The following GALNT1 variants were observed in gnomAD, a reference collection of about 807,000 sequenced individuals.
The protein encoded by GALNT1 is polypeptide N-acetylgalactosaminyltransferase 1, also known as GalNAc transferase 1.
Under a neutral mutation model 65.7 loss-of-function variants are expected in GALNT1, and 17 were observed. That is an observed-to-expected ratio of 0.26 (90% CI 0.18 to 0.39). The LOEUF (loss-of-function observed/expected upper bound fraction) is 0.39, where lower values mean the gene tolerates loss of function less well. Among genes scored for constraint, GALNT1 ranks in the 10% least tolerant of loss-of-function variants. The pLI, the probability that GALNT1 is intolerant of heterozygous loss-of-function variation, is 1.00. For missense variants in GALNT1, 460 were observed against 672.8 expected, an observed-to-expected ratio of 0.68 and a Z score of 3.50; for synonymous variants, 210 against 219.7, an observed-to-expected ratio of 0.96 and a Z score of 0.39.
chr18:35,704,013 C>T (rs1412228914), intron 11 of GALNT1, among the ~76,000 whole-genome samples: 1 of 152,186 alleles, frequency 6.6e-6, no homozygotes, highest in Non-Finnish European at 1.5e-5. Flanking sequence ...TAATAAAGTT[C>T]TCTGGCTTGT....
intron 1 of GALNT1, among the ~76,000 whole-genome samples, chr18:35,616,491 G>A (rs572756297): frequency 2.0e-4 from 31 of 152,238 alleles, no homozygotes; most frequent in African/African-American, 7.2e-4. Context: ...AAGAAATATA[G>A]CTGTTATTGC....
intron 1 of GALNT1, among the ~76,000 whole-genome samples, chr18:35,649,605 G>A (rs889391986): frequency 6.6e-6 from 1 of 152,032 alleles, no homozygotes; most frequent in African/African-American, 2.4e-5. Context: ...AGATTAGTTA[G>A]GAAGTCCAGT....
At chr18:35,676,418 A>G (rs1279616789) in intron 3 of GALNT1, among the ~76,000 whole-genome samples, 2 of 152,098 alleles carry the variant, frequency 1.3e-5, no homozygotes, top group African/African-American at 2.4e-5. Flanking sequence ...ACTTCTTTCA[A>G]CCCTTTTACC....
At chr18:35,694,543 G>A (rs894222696) in intron 9 of GALNT1, among the ~76,000 whole-genome samples, 6 of 152,192 alleles carry the variant, frequency 3.9e-5, no homozygotes, top group African/African-American at 1.4e-4. Flanking sequence ...GCTCAAAAAA[G>A]AGAACTACGA....
Position 35,691,115 on chromosome 18 carries a change from T to A in GALNT1, c.1082T>A (p.Ile361Asn). 6.2e-7 allele frequency: 1 copy of A among 1,613,220 alleles called. No homozygotes were observed. Among genetic ancestry groups the A allele is most frequent in the Non-Finnish European group, 8.5e-7 (1 of 1,179,600 alleles). The change falls in exon 8 of 12, where the codon ATT becomes AAT. Residue 361 changes from isoleucine (I) to asparagine (N), a missense_variant. Physicochemically the swap from Ile to Asn is moderately radical, Grantham distance 149. Coordinates refer to ENST00000269195, the MANE Select transcript of GALNT1 (RefSeq NM_020474.4). The stretch of plus-strand genomic sequence containing the variant: ...ACGTTTCCAGGAGGCACAGGGCAGA[T>A]TATCAATAAAAATAACAGACGACTT... Reference protein sequence around the residue: ...PYTFPGGTGQIINKNNRRLAE... With the variant: ...PYTFPGGTGQNINKNNRRLAE...
At chr18:35,691,588 T>C (rs936144628) in intron 8 of GALNT1, among the ~76,000 whole-genome samples, 5 of 152,186 alleles carry the variant, frequency 3.3e-5, no homozygotes, top group Non-Finnish European at 7.4e-5. Flanking sequence ...GTTTTTGCAG[T>C]GGGTCATGAA....
chr18:35,589,928 A>G (rs1218988519), intron 1 of GALNT1, among the ~76,000 whole-genome samples: 1 of 152,240 alleles, frequency 6.6e-6, no homozygotes, highest in African/African-American at 2.4e-5. Context: ...AATTGCTACC[A>G]AAGTTTCTAA....
At chr18:35,647,545 G>C (rs539576832) in intron 1 of GALNT1, among the ~76,000 whole-genome samples, 5 of 152,276 alleles carry the variant, frequency 3.3e-5, no homozygotes, top group Non-Finnish European at 1.5e-5. Context: ...GATAACACTT[G>C]TCTTTTTTAA....
At chr18:35,664,268 C>T (rs1391950287) in intron 3 of GALNT1, 1 of 154,742 alleles carries the variant, frequency 6.5e-6, no homozygotes, top group East Asian at 1.9e-4. Flanking sequence ...CTTACATCCC[C>T]AGAGGCAGCC....
At chr18:35,616,145 G>A (rs931823367) in intron 1 of GALNT1, among the ~76,000 whole-genome samples, 1 of 152,156 alleles carries the variant, frequency 6.6e-6, no homozygotes, top group South Asian at 2.1e-4. Flanking sequence ...TTAAAAGGTA[G>A]CAGAAGAATA....
chr18:35,635,571 G>A (rs2047078153), intron 1 of GALNT1, among the ~76,000 whole-genome samples: 1 of 152,164 alleles, frequency 6.6e-6, no homozygotes, highest in South Asian at 2.1e-4. Context: ...AAGTAAAACG[G>A]ACCTGCTGTG....
At chr18:35,621,966 A>G (rs1036272600) in intron 1 of GALNT1, among the ~76,000 whole-genome samples, 1 of 152,088 alleles carries the variant, frequency 6.6e-6, no homozygotes, top group Non-Finnish European at 1.5e-5. Context: ...TATGACACCA[A>G]ATTAGTTACC....
chr18:35,614,953 A>G (rs566965259), intron 1 of GALNT1, among the ~76,000 whole-genome samples: 14 of 152,268 alleles, frequency 9.2e-5, no homozygotes, highest in African/African-American at 3.4e-4. Flanking sequence ...AAGGACATTA[A>G]GAAGACCTAA....
chr18:35,598,518 G>A (rs893561462), intron 1 of GALNT1, among the ~76,000 whole-genome samples: 2 of 152,104 alleles, frequency 1.3e-5, no homozygotes, highest in Non-Finnish European at 1.5e-5. Context: ...TTCACTTAAC[G>A]TAATGACCTG....
chr18:35,614,942 G>A (rs72958888), intron 1 of GALNT1, among the ~76,000 whole-genome samples: 16,414 of 151,902 alleles, frequency 0.11, 1,136 homozygotes, highest in African/African-American at 0.2. Context: ...GAAATATATC[G>A]AAGGACATTA....
intron 1 of GALNT1, among the ~76,000 whole-genome samples, chr18:35,611,611 G>A (rs1461528297): frequency 2.0e-5 from 3 of 152,178 alleles, no homozygotes; most frequent in Non-Finnish European, 4.4e-5. Flanking sequence ...AAGTAAGGAT[G>A]TGGAGGAAGT....
At chr18:35,708,043 GT>G (rs1319186138) in intron 11 of GALNT1, among the ~76,000 whole-genome samples, 1 of 152,158 alleles carries the variant, frequency 6.6e-6, no homozygotes, top group Non-Finnish European at 1.5e-5. Flanking sequence ...AGCACTTTAT[GT>G]ACATTATCTC....
At chr18:35,607,584 A>G (rs925475209) in intron 1 of GALNT1, among the ~76,000 whole-genome samples, 20 of 152,074 alleles carry the variant, frequency 1.3e-4, no homozygotes, top group African/African-American at 4.4e-4. Flanking sequence ...CAGCTCATGT[A>G]TGAGGCTGGG....
At chr18:35,651,281 G>A (rs1485461042) in intron 1 of GALNT1, among the ~76,000 whole-genome samples, 1 of 151,982 alleles carries the variant, frequency 6.6e-6, no homozygotes, top group African/African-American at 2.4e-5. Context: ...CTAAAAATAT[G>A]ATTTATGACT....
Sources: allele counts gnomAD v4.1 joint callset (sites outside exome capture counted in the v4.1 genomes callset), GRCh38; gene constraint gnomAD v4.1.1; transcripts MANE v1.5; gene names NCBI Gene and HGNC (gene_info 2026-07-23, HGNC 2026-07-21).